MCPH1: variants seen among roughly 807,000 people sequenced by gnomAD.
MCPH1 encodes microcephalin 1, also known as microcephalin.
Under a neutral mutation model 84.5 loss-of-function variants are expected in MCPH1, and 104 were observed. The ratio of observed to expected loss-of-function variants is 1.23; its 90% CI spans 1.05 to 1.45. The LOEUF is 1.45. Among genes scored for constraint, MCPH1 ranks in the 40% most tolerant of loss-of-function variants. The pLI, the probability that MCPH1 is intolerant of heterozygous loss-of-function variation, is 0.00. For missense variants in MCPH1, 1,498 were observed against 1,005.7 expected (o/e 1.49, Z -6.62); for synonymous variants, 514 against 366.8 (o/e 1.40, Z -4.58).
intron 12 of MCPH1, among the ~76,000 whole-genome samples, chr8:6,529,190 C>T (rs1015348697): frequency 3.9e-5 from 6 of 152,166 alleles, no homozygotes; most frequent in South Asian, 2.1e-4. Flanking sequence ...TGAAGGCGTC[C>T]ATCTGCAGGG....
intron 12 of MCPH1, among the ~76,000 whole-genome samples, chr8:6,590,830 G>C (rs1256699209): frequency 6.6e-6 from 1 of 152,210 alleles, no homozygotes; most frequent in Admixed American, 6.5e-5. Flanking sequence ...GGCCAGTGGA[G>C]ACTGGCTTCA....
chr8:6,443,426 G>A (rs10097727), intron 7 of MCPH1, among the ~76,000 whole-genome samples: 1,934 of 148,544 alleles, frequency 0.013, 48 homozygotes, highest in African/African-American at 0.049. Flanking sequence ...AAGCTTTGGT[G>A]GTTACCTGTG....
chr8:6,626,545 G>T (rs1231842381), intron 13 of MCPH1: 7 of 983,342 alleles, frequency 7.1e-6, no homozygotes, highest in East Asian at 2.3e-4. Flanking sequence ...AAATAAACGG[G>T]AAAACAAAAA....
At chr8:6,498,160 G>A (rs1811487457) in intron 11 of MCPH1, among the ~76,000 whole-genome samples, 1 of 152,206 alleles carries the variant, frequency 6.6e-6, no homozygotes, top group Admixed American at 6.5e-5. Context: ...TTTTCATTAT[G>A]TAATGTGTCA....
At chr8:6,639,583 A>G (rs1299645285) in intron 13 of MCPH1, among the ~76,000 whole-genome samples, 1 of 152,042 alleles carries the variant, frequency 6.6e-6, no homozygotes, top group Admixed American at 6.6e-5. Context: ...GGATCACTCG[A>G]GGACAGGAAT....
At chr8:6,523,218 C>T (rs1339672567) in intron 12 of MCPH1, among the ~76,000 whole-genome samples, 3 of 152,074 alleles carry the variant, frequency 2.0e-5, no homozygotes, top group Admixed American at 6.5e-5. Context: ...AGGGTGGTCT[C>T]GATCTCCTGA....
chr8:6,519,765 G>C, intron 12 of MCPH1: 1 of 1,462,874 alleles, frequency 6.8e-7, no homozygotes, highest in Non-Finnish European at 9.3e-7. Context: ...GTGAGGCTGG[G>C]GAAGATCTTT....
intron 12 of MCPH1, chr8:6,527,626 G>A (rs1335959753): frequency 6.2e-7 from 1 of 1,613,992 alleles, no homozygotes; most frequent in Non-Finnish European, 8.5e-7. Flanking sequence ...TGTTTGTCGA[G>A]AGGGAGTGTT....
chr8:6,571,852 T>TA (rs1299025551), intron 12 of MCPH1, among the ~76,000 whole-genome samples: 3 of 152,166 alleles, frequency 2.0e-5, no homozygotes, highest in Non-Finnish European at 2.9e-5. Flanking sequence ...AATAAATAGT[T>TA]ACACATAAAA....
intron 4 of MCPH1, among the ~76,000 whole-genome samples, chr8:6,434,458 C>T (rs774605478): frequency 5.9e-5 from 9 of 152,186 alleles, no homozygotes; most frequent in Non-Finnish European, 4.4e-5. Context: ...TTGTGTCATG[C>T]AGGTACTTTA....
intron 5 of MCPH1, among the ~76,000 whole-genome samples, chr8:6,436,411 G>A (rs1315424466): frequency 6.6e-6 from 1 of 152,042 alleles, no homozygotes; most frequent in Non-Finnish European, 1.5e-5. Flanking sequence ...TTTTATTTTC[G>A]GGAATGATTT....
chr8:6,624,271 CCT>C (rs1439213173), intron 13 of MCPH1, among the ~76,000 whole-genome samples: 2 of 152,382 alleles, frequency 1.3e-5, no homozygotes, highest in South Asian at 2.1e-4. Context: ...TAACTTGTGT[CCT>C]GTTTCTGATT....
chr8:6,580,792 C>A (rs1050144720), intron 12 of MCPH1, among the ~76,000 whole-genome samples: 2 of 152,184 alleles, frequency 1.3e-5, no homozygotes, highest in Non-Finnish European at 2.9e-5. Flanking sequence ...GTTAGTGCAT[C>A]CCTTAAATAC....
intron 12 of MCPH1, among the ~76,000 whole-genome samples, chr8:6,600,303 C>T (rs879654810): frequency 2.0e-5 from 3 of 152,238 alleles, no homozygotes; most frequent in African/African-American, 4.8e-5. Context: ...AGAGGGTCCC[C>T]AGCAGGGATG....
chr8:6,545,177 G>A (rs1459283789), intron 12 of MCPH1, among the ~76,000 whole-genome samples: 2 of 152,096 alleles, frequency 1.3e-5, no homozygotes, highest in African/African-American at 4.8e-5. Context: ...CTTCCGGGTG[G>A]GAGGGGTTTG....
chr8:6,455,217 CATG>C lies in MCPH1; in HGVS notation c.1902_1904del (p.His634_Glu635delinsGln). 6.2e-7 allele frequency: 1 copy of C among 1,613,880 alleles called. No homozygotes were observed. The highest frequency in any genetic ancestry group is 8.5e-7 in the Non-Finnish European group (1 of 1,179,836). On this transcript the variant is annotated inframe_deletion, in exon 9 of 14. Transcript: ENST00000344683. ...CGGCTTTAAGGACCTCATCAAACCT[CATG>C]AGGAATTGAAGAAAAGTGGGAGAGG...
At chr8:6,420,268 G>C (rs1203395323) in intron 3 of MCPH1, among the ~76,000 whole-genome samples, 1 of 152,076 alleles carries the variant, frequency 6.6e-6, no homozygotes, top group South Asian at 2.1e-4. Context: ...TGGGTTCTCT[G>C]TTGTGGCAGT....
rs184481277 is a variant in MCPH1, at chr8:6,604,250, G to A, written c.2215-17204G>A. 3.7e-4 allele frequency among the ~76,000 whole-genome samples: 57 copies of A among 152,184 alleles called. No individual in the cohort carries two copies. In the South Asian group the frequency reaches 7.3e-3, roughly 19 times the overall value. The stretch of plus-strand genomic sequence containing the variant: ...GCCATCCCAGACACAGCTTCTCCAC[G>A]GAGCCCTGTTCTCAGCCCTGGAGGC... On this transcript the variant is annotated intron_variant, in intron 12 of 13. Coordinates refer to ENST00000344683, the MANE Select transcript of MCPH1 (RefSeq NM_024596.5).
intron 12 of MCPH1, among the ~76,000 whole-genome samples, chr8:6,526,181 A>G (rs578022852): frequency 6.9e-6 from 1 of 145,170 alleles, no homozygotes; most frequent in Admixed American, 7.1e-5. Context: ...GCACTTTAGG[A>G]TGCTGCGGTG....
Sources: gnomAD v4.1 joint callset for allele counts (sites outside exome capture counted in the v4.1 genomes callset) on GRCh38, gnomAD v4.1.1 for gene constraint, MANE v1.5 for transcripts, NCBI Gene and HGNC (gene_info 2026-07-23, HGNC 2026-07-21) for gene names.